Variants in KCNIP3 observed in about 807,000 individuals in gnomAD.
The protein encoded by KCNIP3 is potassium voltage-gated channel interacting protein 3, also known as calsenilin.
In KCNIP3, 28 loss-of-function variants were observed where a neutral mutation model predicts 35.0. The observed-to-expected ratio is 0.80, with a 90% CI of 0.59 to 1.10. The LOEUF (loss-of-function observed/expected upper bound fraction) is 1.10, where lower values mean the gene tolerates loss of function less well. Ranked by LOEUF, KCNIP3 falls within the 50% of genes least tolerant of loss-of-function variation. The probability of loss-of-function intolerance (pLI) is 0.00; values close to 1 mark genes in which losing one functional copy is unlikely to be tolerated. For missense variants in KCNIP3, 295 were observed against 338.4 expected (o/e 0.87, Z 1.01); for synonymous variants, 134 against 133.8 (o/e 1.00, Z -0.01).
At chr2:95,298,252 C>T (rs557868633) in intron 1 of KCNIP3, among the ~76,000 whole-genome samples, 23 of 152,178 alleles carry the variant, frequency 1.5e-4, no homozygotes, top group East Asian at 7.7e-4. Context: ...CATAACAGAA[C>T]GCCCCAAATA....
intron 1 of KCNIP3, among the ~76,000 whole-genome samples, chr2:95,302,345 C>G (rs1392692908): frequency 6.6e-6 from 1 of 152,248 alleles, no homozygotes; most frequent in African/African-American, 2.4e-5. Flanking sequence ...GACAGACACT[C>G]TAAACAAATT....
At chr2:95,339,037 C>G (rs1287205185) in intron 2 of KCNIP3, among the ~76,000 whole-genome samples, 1 of 152,194 alleles carries the variant, frequency 6.6e-6, no homozygotes, top group Non-Finnish European at 1.5e-5. Flanking sequence ...AAAGCCCTGC[C>G]TTGGAGGAAG....
chr2:95,314,456 T>C (rs574875009), intron 2 of KCNIP3, among the ~76,000 whole-genome samples: 2 of 152,178 alleles, frequency 1.3e-5, no homozygotes, highest in East Asian at 1.9e-4. Flanking sequence ...CTTGGTGGAG[T>C]GATCCAAACC....
At chr2:95,314,148 C>T (rs1678396564) in intron 2 of KCNIP3, among the ~76,000 whole-genome samples, 1 of 152,130 alleles carries the variant, frequency 6.6e-6, no homozygotes, top group Non-Finnish European at 1.5e-5. Flanking sequence ...ACCACCAGTG[C>T]TCCTGGGAAA....
At chr2:95,332,998 A>G (rs1373657553) in intron 2 of KCNIP3, among the ~76,000 whole-genome samples, 1 of 149,828 alleles carries the variant, frequency 6.7e-6, no homozygotes, top group African/African-American at 2.5e-5. Flanking sequence ...TGTGAATGTG[A>G]AATGCCCTGT....
At position 95,304,334 on chromosome 2, in the gene KCNIP3, C is replaced by A. The variant is rs575072116; in HGVS notation, c.16-6021C>A. ...CGGGAGCAGAAGTGGAAGGTAACCA[C>A]CACATTGCCATGAAATAAGGCAGCA... is the stretch of plus-strand genomic sequence containing the variant. On this transcript the variant is annotated intron_variant, in intron 1 of 8. Transcript: ENST00000295225. Among the ~76,000 whole-genome samples, 19 of 152,340 alleles carry A rather than the reference C, an allele frequency of 1.2e-4. No individual in the cohort carries two copies. In the South Asian group the frequency reaches 3.5e-3, roughly 28 times the overall value.
Position 95,384,171 on chromosome 2 carries a change from C to T in KCNIP3, c.*122C>T, listed in dbSNP as rs1573526329. 2.4e-6 allele frequency: 1 copy of T among 414,244 alleles called. No homozygotes were observed. Among genetic ancestry groups the T allele is most frequent in the Non-Finnish European group, 4.5e-6 (1 of 224,044 alleles). 25.7% of individuals were successfully genotyped at this position (414,244 alleles called of 1,614,324 possible). ...TTTGCAAAAAGTGAACAGATTGCTA[C>T]ACACACACACACACACACACACACA... On this transcript the variant is annotated 3_prime_UTR_variant, in exon 9 of 9. Coordinates refer to ENST00000295225, the MANE Select transcript of KCNIP3 (RefSeq NM_013434.5).
intron 2 of KCNIP3, among the ~76,000 whole-genome samples, chr2:95,320,571 T>A (rs1025167414): frequency 6.6e-6 from 1 of 151,832 alleles, no homozygotes. Context: ...GTGGGGAGGA[T>A]GGGACTTTGA....
At chr2:95,344,186 C>G (rs1352980384) in intron 2 of KCNIP3, among the ~76,000 whole-genome samples, 1 of 151,892 alleles carries the variant, frequency 6.6e-6, no homozygotes, top group African/African-American at 2.4e-5. Flanking sequence ...CATACTGCCA[C>G]ATGGAGGCAC....
chr2:95,301,916 G>A (rs1678042044), intron 1 of KCNIP3, among the ~76,000 whole-genome samples: 2 of 152,148 alleles, frequency 1.3e-5, no homozygotes, highest in Non-Finnish European at 2.9e-5. Context: ...GTACGTGTGT[G>A]TGTATGTGCA....
chr2:95,384,169 TACACACAC>T lies in KCNIP3; in HGVS notation c.*150_*157del, dbSNP rs58903840. 1.3e-4 allele frequency: 68 copies of T among 513,380 alleles called. No homozygotes were observed. The Middle Eastern group carries it at 1.5e-3, about 11-fold the overall frequency. The allele number at this position is 513,380 out of a possible 1,614,324, so 31.8% of individuals were successfully genotyped here. ...GATTTGCAAAAAGTGAACAGATTGC[TACACACAC>T]ACACACACACACACACACACACACA... On this transcript the variant is annotated 3_prime_UTR_variant, in exon 9 of 9. Coordinates refer to ENST00000295225, the MANE Select transcript of KCNIP3 (RefSeq NM_013434.5).
chr2:95,310,297 T>G, intron 1 of KCNIP3, 58 bp from the exon 2 acceptor site: 1 of 1,603,396 alleles, frequency 6.2e-7, no homozygotes, highest in Non-Finnish European at 8.5e-7. Context: ...CTCGGGACCA[T>G]CCAGGGGTCC....
Position 95,381,538 on chromosome 2 carries a change from G to C in KCNIP3, c.448-58G>C, listed in dbSNP as rs1020185417. ...TTTCAGTGGAAGCCACACAGCAACT[G>C]GAACTAGAACCTGGGCATTGATTGG... On this transcript the variant is annotated intron_variant, in intron 5 of 8. Coordinates refer to ENST00000295225, the MANE Select transcript of KCNIP3 (RefSeq NM_013434.5). 22 of 1,286,740 alleles carry C rather than the reference G, an allele frequency of 1.7e-5. No individual in the cohort carries two copies. In the African/African-American group the frequency reaches 2.6e-4, roughly 15 times the overall value. The allele number at this position is 1,286,740 out of a possible 1,614,324, so 79.7% of individuals were successfully genotyped here.
intron 1 of KCNIP3, among the ~76,000 whole-genome samples, chr2:95,305,254 T>C (rs143216923): frequency 1.3e-5 from 2 of 152,344 alleles, no homozygotes; most frequent in African/African-American, 4.8e-5. Flanking sequence ...TTCGTGAATA[T>C]TTATTCAGAG....
At chr2:95,362,808 A>G (rs930661619) in intron 2 of KCNIP3, among the ~76,000 whole-genome samples, 1 of 152,210 alleles carries the variant, frequency 6.6e-6, no homozygotes. Context: ...TCCTCGGCCC[A>G]GGGAGTTGAG....
intron 1 of KCNIP3, among the ~76,000 whole-genome samples, chr2:95,298,036 G>A (rs960093913): frequency 6.6e-6 from 1 of 152,214 alleles, no homozygotes; most frequent in African/African-American, 2.4e-5. Context: ...GTAGGGCTGT[G>A]GGGAGGTCAG....
At chr2:95,310,776 G>T (rs1455440399) in intron 2 of KCNIP3, 3 of 509,418 alleles carry the variant, frequency 5.9e-6, no homozygotes, top group Non-Finnish European at 1.1e-5. Flanking sequence ...CGGTTTTCCA[G>T]TTGGCTAGGA....
intron 1 of KCNIP3, chr2:95,298,632 CACTGCCCCCAA>C (rs1677939847): frequency 6.6e-6 from 1 of 152,346 alleles, no homozygotes; most frequent in South Asian, 2.1e-4. Flanking sequence ...GCTTGGACCA[CACTGCCCCCAA>C]ACCCCAGGCC....
chr2:95,337,558 T>C (rs1443850714), intron 2 of KCNIP3, among the ~76,000 whole-genome samples: 1 of 152,260 alleles, frequency 6.6e-6, no homozygotes, highest in Non-Finnish European at 1.5e-5. Context: ...ATAGCCCTTA[T>C]TGAGTACCTC....
Sources: allele counts gnomAD v4.1 joint callset (sites outside exome capture counted in the v4.1 genomes callset), GRCh38; gene constraint gnomAD v4.1.1; transcripts MANE v1.5; gene names NCBI Gene and HGNC (gene_info 2026-07-23, HGNC 2026-07-21).